The following PRKN variants were observed in gnomAD, a reference collection of about 807,000 sequenced individuals.
The protein encoded by PRKN is E3 ubiquitin-protein ligase parkin.
A neutral mutation model predicts 59.5 loss-of-function variants in PRKN; 56 were observed. The observed-to-expected ratio is 0.94, with a 90% CI of 0.76 to 1.18. The LOEUF is 1.18. Ranked by LOEUF, PRKN falls within the 50% of genes most tolerant of loss-of-function variation. PRKN has a pLI of 0.00. For synonymous variants in PRKN, 250 were observed against 222.1 expected, an observed-to-expected ratio of 1.13 and a Z score of -1.12; for missense variants, 657 against 596.4, an observed-to-expected ratio of 1.10 and a Z score of -1.06.
At chr6:162,456,455 C>G (rs1356174711) in intron 1 of PRKN, among the ~76,000 whole-genome samples, 2 of 152,156 alleles carry the variant, frequency 1.3e-5, no homozygotes, top group South Asian at 4.1e-4. Flanking sequence ...GAAATTAATA[C>G]TAAGGCTTAT....
At chr6:162,266,091 A>G (rs1164215013) in intron 2 of PRKN, among the ~76,000 whole-genome samples, 1 of 152,194 alleles carries the variant, frequency 6.6e-6, no homozygotes, top group Non-Finnish European at 1.5e-5. Context: ...TTGCCACAGA[A>G]GGAAAAGTGG....
In PRKN at chr6:162,402,525, C is replaced by A. The variant is rs185808480; in HGVS notation, c.171+40785G>T. ...TTGTCTCGGGGTATAAGACTTTAGG[C>A]TGACCCCCAAAAAAGGAAAAGTTAA... On this transcript the variant is annotated intron_variant, in intron 2 of 11. Coordinates refer to ENST00000366898, the MANE Select transcript of PRKN (RefSeq NM_004562.3). Among the ~76,000 whole-genome samples the A allele has an allele frequency of 2.2e-3, 333 of 151,984 alleles. 1 individual carries two copies. Among genetic ancestry groups the A allele is most frequent in the African/African-American group, 7.0e-3 (290 of 41,470 alleles).
At chr6:162,109,408 G>T (rs1022585707) in intron 4 of PRKN, among the ~76,000 whole-genome samples, 1 of 152,188 alleles carries the variant, frequency 6.6e-6, no homozygotes, top group Non-Finnish European at 1.5e-5. Flanking sequence ...ACAAAACACT[G>T]CATGTGCAGA....
rs561488325 is a variant in PRKN, at chr6:162,351,185, C to T, written c.172-88420G>A. Among the ~76,000 whole-genome samples the T allele has an allele frequency of 7.1e-4, 108 of 151,946 alleles. 1 individual carries two copies. In the South Asian group the frequency reaches 0.017, roughly 24 times the overall value. ...CGGCCTGGGCCACAGAGCGAGTCTACGTTTCCAAAAATAAAAATAAAAAAT... is the reference window on the plus strand; with the variant it reads ...CGGCCTGGGCCACAGAGCGAGTCTATGTTTCCAAAAATAAAAATAAAAAAT... On this transcript the variant is annotated intron_variant, in intron 2 of 11. Coordinates refer to ENST00000366898, the MANE Select transcript of PRKN (RefSeq NM_004562.3).
At chr6:161,884,167 T>C (rs897620086) in intron 6 of PRKN, among the ~76,000 whole-genome samples, 4 of 152,190 alleles carry the variant, frequency 2.6e-5, no homozygotes, top group African/African-American at 9.7e-5. Flanking sequence ...TGCCCCTATA[T>C]ATCACTAATG....
At chr6:161,978,579 G>C (rs771109675) in intron 5 of PRKN, among the ~76,000 whole-genome samples, 2 of 152,204 alleles carry the variant, frequency 1.3e-5, no homozygotes, top group Non-Finnish European at 2.9e-5. Context: ...TCTGAATTCT[G>C]TTTTGTTTCT....
intron 1 of PRKN, among the ~76,000 whole-genome samples, chr6:162,453,518 TCA>T (rs1490452593): frequency 6.6e-6 from 1 of 152,172 alleles, no homozygotes; most frequent in East Asian, 1.9e-4. Context: ...CTGTGTGGGT[TCA>T]CAGACTAGCT....
chr6:162,101,778 T>C (rs1441523636), intron 4 of PRKN, among the ~76,000 whole-genome samples: 1 of 152,206 alleles, frequency 6.6e-6, no homozygotes, highest in Non-Finnish European at 1.5e-5. Context: ...TGGTATATAT[T>C]TTAAGGCAGG....
intron 7 of PRKN, among the ~76,000 whole-genome samples, chr6:161,764,303 C>A (rs1158757304): frequency 6.6e-6 from 1 of 152,224 alleles, no homozygotes; most frequent in African/African-American, 2.4e-5. Context: ...CTTATCTATT[C>A]TGCAAACCGT....
chr6:162,629,902 T>C (rs1783040110), intron 1 of PRKN, among the ~76,000 whole-genome samples: 1 of 152,164 alleles, frequency 6.6e-6, no homozygotes, highest in Non-Finnish European at 1.5e-5. Context: ...AATTGAAGTA[T>C]ATAATTCCCA....
intron 7 of PRKN, among the ~76,000 whole-genome samples, chr6:161,671,390 T>G (rs1055930109): frequency 9.9e-5 from 15 of 152,198 alleles, no homozygotes; most frequent in African/African-American, 3.6e-4. Context: ...TGCAACCGGC[T>G]GCATTGTCAC....
At chr6:161,879,070 A>G (rs1247131422) in intron 6 of PRKN, among the ~76,000 whole-genome samples, 2 of 152,090 alleles carry the variant, frequency 1.3e-5, no homozygotes, top group Non-Finnish European at 2.9e-5. Context: ...TCCAAACCTT[A>G]TATCATTAGC....
chr6:161,889,905 G>A (rs1438233770), intron 6 of PRKN, among the ~76,000 whole-genome samples: 2 of 151,916 alleles, frequency 1.3e-5, no homozygotes, highest in African/African-American at 4.8e-5. Context: ...ATTATTTATT[G>A]CTAAGAAGCT....
At chr6:161,847,763 T>A (rs1793261382) in intron 6 of PRKN, among the ~76,000 whole-genome samples, 2 of 152,206 alleles carry the variant, frequency 1.3e-5, no homozygotes, top group Admixed American at 6.5e-5. Flanking sequence ...GAATACCTGT[T>A]ATGTGCCAGG....
chr6:162,192,034 G>C (rs751509390), intron 4 of PRKN, among the ~76,000 whole-genome samples: 1 of 152,048 alleles, frequency 6.6e-6, no homozygotes. Context: ...GAAACAATAA[G>C]ACATATGAAA....
In PRKN at chr6:162,312,227, T is replaced by C. The variant is rs185429653; in HGVS notation, c.172-49462A>G. Reference sequence around the variant, plus strand: ...TTTATCCCACCCCTCTGCCACTGTTTCATTTTATGGCCTTAGGACTGTCAT... The same window carrying C: ...TTTATCCCACCCCTCTGCCACTGTTCCATTTTATGGCCTTAGGACTGTCAT... On this transcript the variant is annotated intron_variant, in intron 2 of 11. Coordinates refer to ENST00000366898, the MANE Select transcript of PRKN (RefSeq NM_004562.3). Among the ~76,000 whole-genome samples, 187 of 152,238 alleles carry C rather than the reference T, an allele frequency of 1.2e-3. 1 individual carries two copies. Among genetic ancestry groups the C allele is most frequent in the African/African-American group, 4.4e-3 (184 of 41,552 alleles).
intron 5 of PRKN, among the ~76,000 whole-genome samples, chr6:161,985,248 AG>A (rs550558830): frequency 6.6e-4 from 100 of 152,336 alleles, no homozygotes; most frequent in Admixed American, 1.3e-3. Context: ...TAGAAGCTAA[AG>A]GTTTCACATG....
At chr6:162,516,206 T>C (rs916755847) in intron 1 of PRKN, among the ~76,000 whole-genome samples, 2 of 152,190 alleles carry the variant, frequency 1.3e-5, no homozygotes, top group Non-Finnish European at 1.5e-5. Context: ...CAATGTAATC[T>C]TGCATGAAAG....
At chr6:162,512,968 T>C (rs1219402150) in intron 1 of PRKN, among the ~76,000 whole-genome samples, 1 of 152,172 alleles carries the variant, frequency 6.6e-6, no homozygotes, top group Admixed American at 6.5e-5. Context: ...ATTTCCAGTC[T>C]GTTAGGGCTG....
Sources: allele counts gnomAD v4.1 joint callset (sites outside exome capture counted in the v4.1 genomes callset), GRCh38; gene constraint gnomAD v4.1.1; transcripts MANE v1.5; gene names NCBI Gene and HGNC (gene_info 2026-07-23, HGNC 2026-07-21).